Variants in SPECC1L observed in about 807,000 individuals in gnomAD.
SPECC1L encodes the protein sperm antigen with calponin homology and coiled-coil domains 1 like, also known as cytospin-A.
SPECC1L carries 40 observed loss-of-function variants against 116.8 expected under a neutral mutation model. That is an observed-to-expected ratio of 0.34 (90% CI 0.27 to 0.45). SPECC1L has a LOEUF of 0.45. Ranked by LOEUF, SPECC1L falls within the 20% of genes least tolerant of loss-of-function variation. SPECC1L has a pLI of 1.00. For synonymous variants in SPECC1L, 504 were observed against 500.6 expected, an observed-to-expected ratio of 1.01 and a Z score of -0.09; for missense variants, 1,110 against 1,373.6, an observed-to-expected ratio of 0.81 and a Z score of 3.03.
rs1225787864 is a variant in SPECC1L at position 24,313,239 on chromosome 22, G to A, written c.154-74G>A. 5 of 1,521,248 alleles carry A rather than the reference G, an allele frequency of 3.3e-6. No individual in the cohort carries two copies. The African/African-American group carries it at 6.9e-5, about 21-fold the overall frequency. The allele number at this position is 1,521,248 out of a possible 1,614,324, so 94.2% of individuals were successfully genotyped here. On this transcript the variant is annotated intron_variant, in intron 3 of 16. Transcript: ENST00000314328. ...CTCTTGAACTTAGTATAAAAGTCATGAGCTTTGTTGAGTCTCAAAATATCT... is the reference window on the plus strand; with the variant it reads ...CTCTTGAACTTAGTATAAAAGTCATAAGCTTTGTTGAGTCTCAAAATATCT...
chr22:24,326,599 C>T (rs954611420), intron 6 of SPECC1L, among the ~76,000 whole-genome samples: 19 of 152,206 alleles, frequency 1.2e-4, no homozygotes, highest in African/African-American at 4.6e-4. Flanking sequence ...GTCATCTACC[C>T]TTGTTGTCTC....
intron 1 of SPECC1L, 120 bp downstream of exon 1, chr22:24,271,103 C>G (rs1384967437): frequency 6.6e-6 from 1 of 152,432 alleles, no homozygotes; most frequent in Non-Finnish European, 1.5e-5. Context: ...GCGCCTGCGC[C>G]GTCTCTGCTC....
chr22:24,352,637 T>C (rs1348519563), intron 11 of SPECC1L, among the ~76,000 whole-genome samples: 1 of 152,226 alleles, frequency 6.6e-6, no homozygotes, highest in Non-Finnish European at 1.5e-5. Context: ...CAGAATTTTC[T>C]TTTTTACTCT....
At chr22:24,362,585 C>A (rs1361297374) in intron 11 of SPECC1L, among the ~76,000 whole-genome samples, 1 of 152,190 alleles carries the variant, frequency 6.6e-6, no homozygotes. Flanking sequence ...TCCTTTAAAG[C>A]CCCTTTCCCT....
chr22:24,320,278 C>CA (rs1387280886), intron 4 of SPECC1L, among the ~76,000 whole-genome samples: 5 of 151,228 alleles, frequency 3.3e-5, no homozygotes, highest in African/African-American at 4.9e-5. Flanking sequence ...GACTCCATCT[C>CA]AAAAAAAACC....
chr22:24,331,123 T>G (rs1601565760), intron 8 of SPECC1L, among the ~76,000 whole-genome samples: 1 of 152,230 alleles, frequency 6.6e-6, no homozygotes, highest in East Asian at 1.9e-4. Context: ...AATTATTAGA[T>G]GAAATGACAG....
chr22:24,339,871 G>A (rs1432383499), intron 10 of SPECC1L, among the ~76,000 whole-genome samples: 1 of 151,702 alleles, frequency 6.6e-6, no homozygotes, highest in East Asian at 1.9e-4. Context: ...CACAACCTCT[G>A]CCTCCCAGGC....
intron 11 of SPECC1L, among the ~76,000 whole-genome samples, chr22:24,361,081 C>T (rs2146614691): frequency 6.6e-6 from 1 of 152,314 alleles, no homozygotes; most frequent in African/African-American, 2.4e-5. Flanking sequence ...ATAATTATAA[C>T]CAAATGTTCC....
chr22:24,320,002 A>G (rs2040688977), intron 4 of SPECC1L, among the ~76,000 whole-genome samples: 1 of 152,196 alleles, frequency 6.6e-6, no homozygotes, highest in Non-Finnish European at 1.5e-5. Flanking sequence ...CTGTAAATTC[A>G]GTGGCTCACG....
At chr22:24,363,157 T>C in intron 11 of SPECC1L, 104 bp from the exon 12 acceptor site, 1 of 999,330 alleles carries the variant, frequency 1.0e-6, no homozygotes, top group Non-Finnish European at 1.6e-6. Flanking sequence ...GGAAGAAGGA[T>C]GAGCTTCAAG....
rs531574182 is a variant in SPECC1L at position 24,286,052 on chromosome 22, C to G, written c.-38+9249C>G. On this transcript the variant is annotated intron_variant, in intron 2 of 16. Transcript: ENST00000314328. ...ACTCATTTATTCAGTAAATCAGATT[C>G]GACAGGCAACATTCTCAGAGGCATG... Among the ~76,000 whole-genome samples the G allele has an allele frequency of 3.8e-4, 58 of 152,296 alleles. 3 individuals carry two copies. In the South Asian group the frequency reaches 0.012, roughly 31 times the overall value.
chr22:24,321,790 G>A lies in SPECC1L; in HGVS notation c.810G>A (p.Arg270=). The A allele has an allele frequency of 1.9e-6, 3 of 1,614,222 alleles. No homozygotes were observed. The highest frequency in any genetic ancestry group is 2.2e-5 in the East Asian group (1 of 44,888). ...LKNENRMLKD[R]LNALGFSLEQ... ...ATGAAAACAGAATGTTAAAGGACAG[G>A]TTGAATGCATTGGGCTTTTCCCTAG... Residue 270 remains arginine (R), a synonymous_variant, in exon 5 of 17, where the codon AGG becomes AGA. Coordinates refer to ENST00000314328, the MANE Select transcript of SPECC1L (RefSeq NM_015330.6).
intron 14 of SPECC1L, among the ~76,000 whole-genome samples, chr22:24,401,814 G>A (rs1295412864): frequency 1.3e-5 from 2 of 152,160 alleles, no homozygotes; most frequent in South Asian, 4.1e-4. Context: ...ATTATGCCCT[G>A]ACTCGTTCAC....
At chr22:24,305,887 A>G (rs1471270289) in intron 3 of SPECC1L, among the ~76,000 whole-genome samples, 1 of 150,742 alleles carries the variant, frequency 6.6e-6, no homozygotes, top group Non-Finnish European at 1.5e-5. Context: ...ATTAATTTGC[A>G]TCGTTACCAG....
At chr22:24,284,133 C>A (rs529318559) in intron 2 of SPECC1L, among the ~76,000 whole-genome samples, 1 of 151,978 alleles carries the variant, frequency 6.6e-6, no homozygotes, top group Non-Finnish European at 1.5e-5. Flanking sequence ...TGTTTCATTG[C>A]TCTTCTTTTT....
chr22:24,299,851 A>G (rs2049341352), intron 2 of SPECC1L, among the ~76,000 whole-genome samples: 1 of 152,176 alleles, frequency 6.6e-6, no homozygotes, highest in Non-Finnish European at 1.5e-5. Context: ...CATGTCTACA[A>G]AAAGAAACCC....
chr22:24,324,401 A>G lies in SPECC1L; in HGVS notation c.2120A>G (p.Asp707Gly). The G allele has an allele frequency of 6.2e-7, 1 of 1,614,092 alleles. No homozygotes were observed. Among genetic ancestry groups the G allele is most frequent in the Non-Finnish European group, 8.5e-7 (1 of 1,179,918 alleles). Residue 707 changes from aspartate to glycine, a missense_variant, in exon 6 of 17, where the codon GAC becomes GGC. By Grantham distance (94) the Asp-to-Gly change is moderately conservative (BLOSUM62 -1). Around this residue, in one of 4 missense-constraint regions of SPECC1L, gnomAD observed 575 missense variants for 682.4 expected, o/e 0.84. Coordinates refer to ENST00000314328, the MANE Select transcript of SPECC1L (RefSeq NM_015330.6). ...CAACATCGTGCTGTGAAACTTCATG[A>G]CAACCTCATTATTTCTGATCTAGAG... ...VEQHRAVKLH[D>G]NLIISDLENT...
intron 1 of SPECC1L, among the ~76,000 whole-genome samples, chr22:24,272,066 C>T (rs1352355119): frequency 6.6e-6 from 1 of 152,128 alleles, no homozygotes; most frequent in Non-Finnish European, 1.5e-5. Flanking sequence ...ACCAAAGGGA[C>T]TATAGTAATT....
intron 1 of SPECC1L, among the ~76,000 whole-genome samples, chr22:24,271,453 G>A (rs969105374): frequency 6.6e-6 from 1 of 152,258 alleles, no homozygotes; most frequent in East Asian, 1.9e-4. Flanking sequence ...GGCGGACCCC[G>A]GGCCTGCTGC....
Sources: allele counts gnomAD v4.1 joint callset (sites outside exome capture counted in the v4.1 genomes callset), GRCh38; gene constraint gnomAD v4.1.1; regional missense constraint gnomAD v4.1.1; transcripts MANE v1.5; gene names NCBI Gene and HGNC (gene_info 2026-07-23, HGNC 2026-07-21).